Variants in CACNA1C observed in about 807,000 individuals in gnomAD.
The protein encoded by CACNA1C is calcium voltage-gated channel subunit alpha1 C, also known as voltage-dependent L-type calcium channel subunit alpha-1C.
A neutral mutation model predicts 229.0 loss-of-function variants in CACNA1C; 30 were observed. The observed-to-expected ratio is 0.13, with a 90% confidence interval of 0.10 to 0.18. CACNA1C has a LOEUF of 0.18. Among genes scored for constraint, CACNA1C ranks in the 10% least tolerant of loss-of-function variants. CACNA1C has a pLI of 1.00. For synonymous variants in CACNA1C, 1,114 were observed against 1,132.5 expected, an observed-to-expected ratio of 0.98 and a Z score of 0.33; for missense variants, 1,658 against 2,845.0, an observed-to-expected ratio of 0.58 and a Z score of 9.49.
intron 3 of CACNA1C, among the ~76,000 whole-genome samples, chr12:2,326,577 T>C (rs890477726): frequency 2.6e-5 from 4 of 152,322 alleles, no homozygotes; most frequent in African/African-American, 9.6e-5. Context: ...AGGAGCTATT[T>C]TCCAGGAATG....
intron 44 of CACNA1C, 99 bp from the exon 45 acceptor site, chr12:2,686,067 C>T: frequency 9.7e-7 from 1 of 1,032,154 alleles, no homozygotes; most frequent in South Asian, 1.3e-5. Context: ...GCGTCTCGGG[C>T]CATAGTTACT....
chr12:2,140,309 G>A (rs1055584437), intron 3 of CACNA1C, among the ~76,000 whole-genome samples: 1 of 151,424 alleles, frequency 6.6e-6, no homozygotes, highest in African/African-American at 2.4e-5. Context: ...TGATTTCTTT[G>A]GGATTGCAGA....
At chr12:2,610,455 C>T (rs1242731130) in intron 27 of CACNA1C, 86 bp from the exon 28 acceptor site, 1 of 1,362,046 alleles carries the variant, frequency 7.3e-7, no homozygotes, top group Non-Finnish European at 1.0e-6. Context: ...TGTGTGGTCT[C>T]ATCACATCCC....
intron 3 of CACNA1C, among the ~76,000 whole-genome samples, chr12:2,347,621 G>A (rs2097084184): frequency 6.6e-6 from 1 of 152,226 alleles, no homozygotes; most frequent in East Asian, 1.9e-4. Context: ...CTAGAGGACA[G>A]GAGCCCAGGA....
intron 3 of CACNA1C, among the ~76,000 whole-genome samples, chr12:2,123,973 T>G (rs899641591): frequency 1.3e-5 from 2 of 152,178 alleles, no homozygotes; most frequent in Non-Finnish European, 2.9e-5. Context: ...TTAATAGTGC[T>G]GGATACTATT....
chr12:2,264,942 T>A (rs1233886311), intron 3 of CACNA1C, among the ~76,000 whole-genome samples: 1 of 152,226 alleles, frequency 6.6e-6, no homozygotes, highest in Non-Finnish European at 1.5e-5. Context: ...TTTCACTCTC[T>A]GCAAACCCTT....
At chr12:2,331,545 G>A (rs1194371874) in intron 3 of CACNA1C, among the ~76,000 whole-genome samples, 2 of 152,226 alleles carry the variant, frequency 1.3e-5, no homozygotes, top group African/African-American at 4.8e-5. Flanking sequence ...GATAATTAGA[G>A]CATCAAAAGA....
chr12:1,979,679 T>C (rs546620454), intron 1 of CACNA1C, among the ~76,000 whole-genome samples: 7 of 152,368 alleles, frequency 4.6e-5, no homozygotes, highest in Admixed American at 3.9e-4. Context: ...TGTTTAAGTT[T>C]ATGAGAAATT....
intron 5 of CACNA1C, among the ~76,000 whole-genome samples, chr12:2,470,333 T>C (rs2099584318): frequency 6.6e-6 from 1 of 152,168 alleles, no homozygotes; most frequent in Non-Finnish European, 1.5e-5. Context: ...GACAAGGTGA[T>C]GACTGATTAA....
At chr12:2,681,888 C>T in intron 42 of CACNA1C, 1 of 938,088 alleles carries the variant, frequency 1.1e-6, no homozygotes, top group South Asian at 1.3e-5. Flanking sequence ...GAGCTGAGCT[C>T]AGACAGGAAA....
At chr12:2,453,658 C>T (rs1022271326) in intron 4 of CACNA1C, among the ~76,000 whole-genome samples, 9 of 152,192 alleles carry the variant, frequency 5.9e-5, no homozygotes, top group African/African-American at 2.2e-4. Flanking sequence ...TCTAATCCCT[C>T]CTTTCTCACC....
intron 1 of CACNA1C, among the ~76,000 whole-genome samples, chr12:1,981,852 A>C (rs2036232422): frequency 2.0e-5 from 3 of 152,172 alleles, no homozygotes; most frequent in African/African-American, 7.2e-5. Context: ...GGTCAGAATG[A>C]GGGAGAGAAT....
chr12:2,527,809 A>G (rs2099824315), intron 9 of CACNA1C, among the ~76,000 whole-genome samples: 1 of 152,138 alleles, frequency 6.6e-6, no homozygotes. Flanking sequence ...TGAAAAAGTA[A>G]TGTCAGTGGT....
At chr12:2,543,086 C>T (rs2099875367) in intron 9 of CACNA1C, among the ~76,000 whole-genome samples, 1 of 152,178 alleles carries the variant, frequency 6.6e-6, no homozygotes, top group Non-Finnish European at 1.5e-5. Context: ...GTGGAGTCTT[C>T]TCACCAGAAG....
intron 1 of CACNA1C, among the ~76,000 whole-genome samples, chr12:2,043,596 A>C (rs2050524728): frequency 6.6e-6 from 1 of 151,832 alleles, no homozygotes; most frequent in African/African-American, 2.4e-5. Flanking sequence ...AATGGCTGAG[A>C]AGCTCACTCT....
intron 3 of CACNA1C, among the ~76,000 whole-genome samples, chr12:2,255,424 C>G (rs944025440): frequency 1.1e-4 from 16 of 152,198 alleles, no homozygotes; most frequent in Non-Finnish European, 2.4e-4. Context: ...TACTAATGTC[C>G]TTGCCCATCC....
chr12:2,676,880 G>A (rs2096846723), intron 39 of CACNA1C: 2 of 426,580 alleles, frequency 4.7e-6, no homozygotes, highest in Non-Finnish European at 8.6e-6. Context: ...ACAGGAGGTG[G>A]TGACTAGGCA....
At chr12:2,663,699 A>G (rs1227420730) in intron 34 of CACNA1C, among the ~76,000 whole-genome samples, 2 of 149,698 alleles carry the variant, frequency 1.3e-5, no homozygotes, top group Non-Finnish European at 3.0e-5. Flanking sequence ...CCAAAAAACT[A>G]TTGGAAATTT....
At chr12:2,483,368 A>G (rs955504815) in intron 5 of CACNA1C, among the ~76,000 whole-genome samples, 12 of 152,072 alleles carry the variant, frequency 7.9e-5, no homozygotes, top group African/African-American at 2.7e-4. Flanking sequence ...GTGTAGCTTG[A>G]AGACTGGGCA....
Sources: gnomAD v4.1 joint callset for allele counts (sites outside exome capture counted in the v4.1 genomes callset) on GRCh38, gnomAD v4.1.1 for gene constraint, MANE v1.5 for transcripts, NCBI Gene and HGNC (gene_info 2026-07-23, HGNC 2026-07-21) for gene names.